RALYL: variants seen among roughly 807,000 people sequenced by gnomAD.
RALYL encodes the protein RNA-binding Raly-like protein.
A neutral mutation model predicts 35.1 loss-of-function variants in RALYL; 29 were observed. The observed-to-expected ratio is 0.83, with a 90% confidence interval of 0.61 to 1.13. RALYL has a LOEUF of 1.13. Among genes scored for constraint, RALYL ranks in the 50% most tolerant of loss-of-function variants. RALYL has a pLI of 0.00. For synonymous variants in RALYL, 120 were observed against 127.6 expected (o/e 0.94, Z 0.40); for missense variants, 359 against 360.4 (o/e 1.00, Z 0.03).
intron 1 of RALYL, among the ~76,000 whole-genome samples, chr8:84,475,155 G>T (rs2053249165): frequency 6.6e-6 from 1 of 151,734 alleles, no homozygotes; most frequent in Non-Finnish European, 1.5e-5. Flanking sequence ...GTGAGAACAT[G>T]TGGTGTTTGG....
chr8:84,362,855 T>A (rs1853367521), intron 1 of RALYL, among the ~76,000 whole-genome samples: 1 of 151,986 alleles, frequency 6.6e-6, no homozygotes, highest in African/African-American at 2.4e-5. Flanking sequence ...AAATTATAAT[T>A]TGAGTAGAAA....
intron 1 of RALYL, among the ~76,000 whole-genome samples, chr8:84,332,859 C>T (rs1216512311): frequency 6.6e-6 from 1 of 152,040 alleles, no homozygotes; most frequent in Admixed American, 6.6e-5. Flanking sequence ...GGAAACTAAA[C>T]TAAGATCCAG....
At chr8:84,439,916 T>C (rs2048154043) in intron 1 of RALYL, among the ~76,000 whole-genome samples, 1 of 152,118 alleles carries the variant, frequency 6.6e-6, no homozygotes, top group Non-Finnish European at 1.5e-5. Context: ...CTTCACTGGT[T>C]ACCCAAGGTT....
At chr8:84,215,589 T>C (rs980055770) in intron 1 of RALYL, among the ~76,000 whole-genome samples, 3 of 152,132 alleles carry the variant, frequency 2.0e-5, no homozygotes, top group Non-Finnish European at 4.4e-5. Flanking sequence ...TCCTCTGCAA[T>C]TTACATCTTC....
At chr8:84,537,785 T>A (rs1245110349) in intron 2 of RALYL, among the ~76,000 whole-genome samples, 1 of 152,208 alleles carries the variant, frequency 6.6e-6, no homozygotes, top group African/African-American at 2.4e-5. Context: ...ATTAAACTCA[T>A]TTTACAAATA....
intron 2 of RALYL, among the ~76,000 whole-genome samples, chr8:84,680,592 A>T (rs1477394663): frequency 6.6e-6 from 1 of 152,162 alleles, no homozygotes; most frequent in Admixed American, 6.5e-5. Flanking sequence ...CATTTCTCTG[A>T]TGGCCAGTGA....
At chr8:84,619,755 C>T (rs375561692) in intron 2 of RALYL, among the ~76,000 whole-genome samples, 10 of 151,556 alleles carry the variant, frequency 6.6e-5, no homozygotes, top group Admixed American at 2.6e-4. Context: ...CCATGTTTAG[C>T]GCTTCCTTCA....
intron 1 of RALYL, among the ~76,000 whole-genome samples, chr8:84,196,129 A>G (rs1815205409): frequency 6.6e-6 from 1 of 152,274 alleles, no homozygotes; most frequent in Admixed American, 6.5e-5. Flanking sequence ...AAAGTAGATT[A>G]GTGAACCAAT....
At chr8:84,821,218 C>T (rs1333217616) in intron 4 of RALYL, among the ~76,000 whole-genome samples, 3 of 152,104 alleles carry the variant, frequency 2.0e-5, no homozygotes, top group Admixed American at 2.0e-4. Flanking sequence ...TATTGACTAT[C>T]CTTTATTTTG....
intron 4 of RALYL, among the ~76,000 whole-genome samples, chr8:84,838,706 G>A (rs370722968): frequency 2.0e-5 from 3 of 152,134 alleles, no homozygotes; most frequent in Admixed American, 6.5e-5. Context: ...ACAAAAAAAA[G>A]CAGGTTGGAC....
intron 2 of RALYL, among the ~76,000 whole-genome samples, chr8:84,730,157 C>A (rs1428889715): frequency 1.3e-5 from 2 of 152,196 alleles, no homozygotes; most frequent in Admixed American, 1.3e-4. Flanking sequence ...CAAACCAAAT[C>A]CAGCAGCACA....
intron 2 of RALYL, among the ~76,000 whole-genome samples, chr8:84,663,867 C>A (rs536931901): frequency 5.9e-5 from 9 of 151,904 alleles, no homozygotes; most frequent in African/African-American, 9.7e-5. Flanking sequence ...TTGCTTTTGG[C>A]ATCTTCATCA....
chr8:84,632,835 C>A (rs774842946), intron 2 of RALYL, among the ~76,000 whole-genome samples: 34 of 151,894 alleles, frequency 2.2e-4, no homozygotes, highest in Non-Finnish European at 4.1e-4. Flanking sequence ...TTCATTTCAG[C>A]AACATTGAAT....
intron 2 of RALYL, among the ~76,000 whole-genome samples, chr8:84,550,245 C>A (rs2060626396): frequency 6.6e-6 from 1 of 152,094 alleles, no homozygotes; most frequent in African/African-American, 2.4e-5. Context: ...CCTCCACTTT[C>A]TCCTTTTCCT....
chr8:84,313,450 G>T (rs1195374905), intron 1 of RALYL, among the ~76,000 whole-genome samples: 1 of 152,166 alleles, frequency 6.6e-6, no homozygotes, highest in East Asian at 1.9e-4. Context: ...AAACCATTAT[G>T]ATCTGCTTCC....
intron 1 of RALYL, among the ~76,000 whole-genome samples, chr8:84,271,431 G>T (rs1250983675): frequency 6.7e-6 from 1 of 149,790 alleles, no homozygotes; most frequent in Non-Finnish European, 1.5e-5. Flanking sequence ...CAGTATTGGG[G>T]ATAGTTTGCA....
intron 1 of RALYL, among the ~76,000 whole-genome samples, chr8:84,520,919 C>G (rs1031685501): frequency 6.6e-6 from 1 of 152,152 alleles, no homozygotes; most frequent in Non-Finnish European, 1.5e-5. Context: ...CACGAGCCCT[C>G]ACAGAATAAA....
intron 1 of RALYL, among the ~76,000 whole-genome samples, chr8:84,380,344 C>T (rs577440357): frequency 6.6e-6 from 1 of 151,850 alleles, no homozygotes; most frequent in Non-Finnish European, 1.5e-5. Flanking sequence ...GTAAGCCAAC[C>T]AATGTATTTT....
At chr8:84,439,281 T>C (rs1467368569) in intron 1 of RALYL, among the ~76,000 whole-genome samples, 6 of 152,138 alleles carry the variant, frequency 3.9e-5, no homozygotes, top group Admixed American at 3.3e-4. Flanking sequence ...GTTGTAATTC[T>C]CCTTATAGAG....
Sources: allele counts gnomAD v4.1 joint callset (sites outside exome capture counted in the v4.1 genomes callset), GRCh38; gene constraint gnomAD v4.1.1; transcripts MANE v1.5; gene names NCBI Gene and HGNC (gene_info 2026-07-23, HGNC 2026-07-21).